Variants in POU2AF2 observed in about 807,000 individuals in gnomAD.
POU2AF2 encodes the protein POU domain class 2-associating factor 2.
chr11:111,247,557 G>T, the POU2AF2 span, among the ~76,000 whole-genome samples: 1 of 152,138 alleles, frequency 6.6e-6, no homozygotes, highest in African/African-American at 2.4e-5. Flanking sequence ...GGAGGCTGAG[G>T]TGGGTGGATC....
At chr11:111,276,454 AT>A in the POU2AF2 span, among the ~76,000 whole-genome samples, 1,074 of 18,896 alleles carry the variant, frequency 0.057, 39 homozygotes, top group South Asian at 0.25. Context: ...AAAAAAAAAA[AT>A]ATATATATAT....
chr11:111,267,262 AGAACACT>A, the POU2AF2 span, among the ~76,000 whole-genome samples: 204 of 152,252 alleles, frequency 1.3e-3, no homozygotes, highest in African/African-American at 4.3e-3. Context: ...GAATATATGG[AGAACACT>A]GAATAGAGTC....
At chr11:111,254,315 A>T in the POU2AF2 span, among the ~76,000 whole-genome samples, 1 of 152,222 alleles carries the variant, frequency 6.6e-6, no homozygotes. Flanking sequence ...AAAATTAGAC[A>T]CAAATGATGA....
the POU2AF2 span, among the ~76,000 whole-genome samples, chr11:111,246,664 G>A: frequency 1.3e-5 from 2 of 152,114 alleles, no homozygotes; most frequent in Admixed American, 6.5e-5. Context: ...GCATAAAATT[G>A]GTTATTAGCT....
chr11:111,286,134 CA>C, the POU2AF2 span: 1 of 1,514,630 alleles, frequency 6.6e-7, no homozygotes, highest in Non-Finnish European at 8.9e-7. Flanking sequence ...TCAGCCCATT[CA>C]GGACTGGATT....
chr11:111,284,093 G>A, the POU2AF2 span: 21 of 1,613,974 alleles, frequency 1.3e-5, no homozygotes, highest in Non-Finnish European at 1.8e-5. Context: ...GGTCACGTCA[G>A]GTTACTACGG....
the POU2AF2 span, among the ~76,000 whole-genome samples, chr11:111,260,107 A>G: frequency 6.6e-6 from 1 of 152,202 alleles, no homozygotes; most frequent in African/African-American, 2.4e-5. Context: ...AGAATCATGG[A>G]CCATCATGTT....
chr11:111,272,301 C>A, the POU2AF2 span, among the ~76,000 whole-genome samples: 1 of 152,148 alleles, frequency 6.6e-6, no homozygotes, highest in Non-Finnish European at 1.5e-5. Flanking sequence ...CCTGCCCCCA[C>A]CCCCATACCT....
At chr11:111,272,787 G>A in the POU2AF2 span, among the ~76,000 whole-genome samples, 1 of 152,170 alleles carries the variant, frequency 6.6e-6, no homozygotes, top group Non-Finnish European at 1.5e-5. Flanking sequence ...TTAATAAAAT[G>A]AATGAAATGA....
chr11:111,279,186 G>A, the POU2AF2 span, among the ~76,000 whole-genome samples: 1 of 152,088 alleles, frequency 6.6e-6, no homozygotes, highest in Non-Finnish European at 1.5e-5. Flanking sequence ...GTCAGCTTAG[G>A]CACTGCATCC....
chr11:111,248,024 CA>C, the POU2AF2 span, among the ~76,000 whole-genome samples: 1 of 151,532 alleles, frequency 6.6e-6, no homozygotes, highest in Admixed American at 6.6e-5. Flanking sequence ...GTTGGGTCTA[CA>C]GGCGCCCGCC....
chr11:111,285,742 G>C, the POU2AF2 span: 4 of 1,613,298 alleles, frequency 2.5e-6, no homozygotes, highest in Non-Finnish European at 3.4e-6. Flanking sequence ...CACCCAGCAC[G>C]AGTTGCCTCT....
chr11:111,258,087 C>T, the POU2AF2 span, among the ~76,000 whole-genome samples: 1 of 152,052 alleles, frequency 6.6e-6, no homozygotes, highest in Non-Finnish European at 1.5e-5. Context: ...CACTGCGCTC[C>T]AGCCTGGGCA....
chr11:111,276,439 G>GAAAAAAAAAAAAAAA, the POU2AF2 span, among the ~76,000 whole-genome samples: 70 of 44,376 alleles, frequency 1.6e-3, 5 homozygotes, highest in African/African-American at 6.1e-3. Context: ...CTACTAAAAA[G>GAAAAAAAAAAAAAAA]AAAAAAAAAA....
At chr11:111,257,809 T>C in the POU2AF2 span, among the ~76,000 whole-genome samples, 1 of 152,168 alleles carries the variant, frequency 6.6e-6, no homozygotes, top group East Asian at 1.9e-4. Flanking sequence ...CAGAATCACC[T>C]GGGGTGTGTG....
chr11:111,277,823 A>G, the POU2AF2 span, among the ~76,000 whole-genome samples: 40,815 of 152,146 alleles, frequency 0.27, 5,766 homozygotes, highest in Admixed American at 0.34. Flanking sequence ...CTGAGGCTGA[A>G]GCCAGAAGAC....
chr11:111,274,661 AT>A, the POU2AF2 span, among the ~76,000 whole-genome samples: 1 of 149,784 alleles, frequency 6.7e-6, no homozygotes, highest in Non-Finnish European at 1.5e-5. Context: ...CTTTTATATA[AT>A]TTATATAATA....
the POU2AF2 span, among the ~76,000 whole-genome samples, chr11:111,249,501 C>G: frequency 6.6e-6 from 1 of 152,292 alleles, no homozygotes; most frequent in East Asian, 1.9e-4. Flanking sequence ...TGCTTCAGAG[C>G]TTGGTTATCC....
At chr11:111,259,547 C>T in the POU2AF2 span, among the ~76,000 whole-genome samples, 6 of 152,232 alleles carry the variant, frequency 3.9e-5, no homozygotes, top group South Asian at 1.2e-3. Context: ...AACTCCTGAC[C>T]TCAGGTAATC....
Sources: gnomAD v4.1 joint callset for allele counts (sites outside exome capture counted in the v4.1 genomes callset) on GRCh38, gnomAD v4.1.1 for gene constraint, MANE v1.5 for transcripts, NCBI Gene and HGNC (gene_info 2026-07-23, HGNC 2026-07-21) for gene names.